Variants in TRIM62 observed in about 807,000 individuals in gnomAD.
The protein encoded by TRIM62 is E3 ubiquitin-protein ligase TRIM62.
In TRIM62, 39 loss-of-function variants were observed where a neutral mutation model predicts 44.2. The observed-to-expected ratio is 0.88, with a 90% CI of 0.68 to 1.15. The LOEUF is 1.15. Ranked by LOEUF, TRIM62 falls within the 50% of genes most tolerant of loss-of-function variation. The pLI, the probability that TRIM62 is intolerant of heterozygous loss-of-function variation, is 0.00. For synonymous variants in TRIM62, 278 were observed against 292.3 expected (o/e 0.95, Z 0.50); for missense variants, 544 against 665.5 (o/e 0.82, Z 2.01).
chr1:33,156,263 T>C (rs1004334976), intron 4 of TRIM62, among the ~76,000 whole-genome samples: 5 of 152,182 alleles, frequency 3.3e-5, no homozygotes, highest in African/African-American at 9.6e-5. Context: ...TGCCACACTC[T>C]CTCTCCTTCG....
At chr1:33,149,735 G>A (rs1645071022) in intron 4 of TRIM62, among the ~76,000 whole-genome samples, 1 of 152,234 alleles carries the variant, frequency 6.6e-6, no homozygotes, top group Admixed American at 6.5e-5. Flanking sequence ...GATTATAGGT[G>A]TGAGCCACTG....
intron 4 of TRIM62, among the ~76,000 whole-genome samples, chr1:33,152,372 C>T (rs1645111873): frequency 1.3e-5 from 2 of 152,142 alleles, no homozygotes; most frequent in Non-Finnish European, 2.9e-5. Flanking sequence ...TCGAGATCAG[C>T]CTGGCCAACA....
rs1645424689 is a variant in TRIM62 at position 33,177,008 on chromosome 1, T to C, written c.408+4017A>G. On this transcript the variant is annotated intron_variant, in intron 1 of 4. Transcript: ENST00000291416. This position sits in a 1 kb window ranked among gnomAD's most constrained non-coding sequence, Gnocchi z 4.1. ...TGGTCCAGGTACTCAGCAGTGGAGG[T>C]GGGGAGGAAGACACCAACACACATA... Among the ~76,000 whole-genome samples, 1 of 151,242 alleles carries C rather than the reference T, an allele frequency of 6.6e-6. No individual in the cohort carries two copies. Among genetic ancestry groups the C allele is most frequent in the Non-Finnish European group, 1.5e-5 (1 of 67,892 alleles).
chr1:33,166,315 C>G (rs916284364), intron 1 of TRIM62: 6 of 151,996 alleles, frequency 3.9e-5, no homozygotes, highest in African/African-American at 1.5e-4. Flanking sequence ...CTTGAATCAT[C>G]CTGAAACCAT....
chr1:33,169,408 A>T (rs1054220523), intron 1 of TRIM62, among the ~76,000 whole-genome samples: 2 of 152,072 alleles, frequency 1.3e-5, no homozygotes, highest in African/African-American at 4.8e-5. Flanking sequence ...TTCGGTTTTT[A>T]TCACTTCTTT....
chr1:33,146,905 G>C lies in TRIM62; in HGVS notation c.*272C>G. On this transcript the variant is annotated 3_prime_UTR_variant, in exon 5 of 5. Transcript: ENST00000291416. ...CCCTGAGAAGATGGGGATGAGGGTT[G>C]GGCAGGGGTTGCCCTGAGGAGAAGC... 1 of 487,678 alleles carries C rather than the reference G, an allele frequency of 2.1e-6. No homozygotes were observed. The highest frequency in any genetic ancestry group is 3.7e-6 in the Non-Finnish European group (1 of 270,200). The allele number at this position is 487,678 out of a possible 1,614,324, so 30.2% of individuals were successfully genotyped here.
Position 33,165,371 on chromosome 1 carries a change from G to T in TRIM62, c.504+100C>A. ...GGCTCCTTGAAGCCAGGTTTCCACC[G>T]CACACCCGAGGCCCCGCCCCTCTTC... is the stretch of plus-strand genomic sequence containing the variant. On this transcript the variant is annotated intron_variant, in intron 2 of 4. Coordinates refer to ENST00000291416, the MANE Select transcript of TRIM62 (RefSeq NM_018207.3). This position sits in a 1 kb window ranked among gnomAD's most constrained non-coding sequence, Gnocchi z 4.0. 1 of 1,127,920 alleles carries T rather than the reference G, an allele frequency of 8.9e-7. No homozygotes were observed. 69.9% of individuals were successfully genotyped at this position (1,127,920 alleles called of 1,614,324 possible). A position where few individuals can be genotyped will look rare whatever the true frequency, so the allele number is the denominator to read the frequency against.
At chr1:33,170,462 G>T (rs1250642515) in intron 1 of TRIM62, among the ~76,000 whole-genome samples, 1 of 152,060 alleles carries the variant, frequency 6.6e-6, no homozygotes, top group African/African-American at 2.4e-5. Context: ...GGAAAGGGGA[G>T]ATTTTCACAA....
In TRIM62 at chr1:33,181,267, T is replaced by TGC. The variant is rs1184102577; in HGVS notation, c.164_165dup (p.Thr56AlafsTer85). ...GGCGCCAGCGCGGGCTCGGCGAACG[T>TGC]GCGCCGGCACTCGGGGCAGTCGCGG... On this transcript the variant is annotated frameshift_variant, in exon 1 of 5. Transcript: ENST00000291416. LOFTEE classifies it high-confidence loss of function. The surrounding 1 kb of genome is among the most constrained non-coding windows in gnomAD (Gnocchi z 6.5). The TGC allele has an allele frequency of 4.5e-6, 7 of 1,547,880 alleles. No individual in the cohort carries two copies. The highest frequency in any genetic ancestry group is 6.1e-6 in the Non-Finnish European group (7 of 1,152,502).
chr1:33,172,448 C>T (rs1261569966), intron 1 of TRIM62, among the ~76,000 whole-genome samples: 1 of 151,898 alleles, frequency 6.6e-6, no homozygotes, highest in Non-Finnish European at 1.5e-5. Flanking sequence ...GAGTCACAAG[C>T]TGGAAAGGCC....
At chr1:33,175,049 A>ATATGTATATGTATATGTG (rs1248821970) in intron 1 of TRIM62, among the ~76,000 whole-genome samples, 1 of 150,820 alleles carries the variant, frequency 6.6e-6, no homozygotes, top group African/African-American at 2.4e-5. Context: ...ATGTATATGT[A>ATATGTATATGTATATGTG]TTTTTTTTAA....
chr1:33,151,740 C>T (rs1024818998), intron 4 of TRIM62, among the ~76,000 whole-genome samples: 3 of 152,232 alleles, frequency 2.0e-5, no homozygotes, highest in African/African-American at 7.2e-5. Flanking sequence ...ATTTAAGCAT[C>T]TCTGAGACCT....
At position 33,181,501 on chromosome 1, in the gene TRIM62, G is replaced by A. The variant is rs1414462531; in HGVS notation, c.-69C>T. 4 of 1,491,056 alleles carry A rather than the reference G, an allele frequency of 2.7e-6. No individual in the cohort carries two copies. Among genetic ancestry groups the A allele is most frequent in the Non-Finnish European group, 3.5e-6 (4 of 1,130,904 alleles). 92.4% of individuals were successfully genotyped at this position (1,491,056 alleles called of 1,614,324 possible). On this transcript the variant is annotated 5_prime_UTR_variant, in exon 1 of 5. Transcript: ENST00000291416. This position sits in a 1 kb window ranked among gnomAD's most constrained non-coding sequence, Gnocchi z 6.5. ...CGGCTGAGAGAGCGCGGCGCTGTCG[G>A]AGGCAGCACCGAGGGCTGGGCGCGG...
At position 33,167,072 on chromosome 1, in the gene TRIM62, A is replaced by T. The variant is rs987404349; in HGVS notation, c.409-1506T>A. 6.6e-6 allele frequency among the ~76,000 whole-genome samples: 1 copy of T among 152,066 alleles called. No homozygotes were observed. The highest frequency in any genetic ancestry group is 2.4e-5 in the African/African-American group (1 of 41,398). ...TTGAGCTCGTTCCAATCTTCAGACT[A>T]TGCCCTGGCTATTCCCTCTGGCTGG... is the stretch of plus-strand genomic sequence containing the variant. On this transcript the variant is annotated intron_variant, in intron 1 of 4. Coordinates refer to ENST00000291416, the MANE Select transcript of TRIM62 (RefSeq NM_018207.3). This position sits in a 1 kb window ranked among gnomAD's most constrained non-coding sequence, Gnocchi z 4.2.
chr1:33,147,080 T>G lies in TRIM62; in HGVS notation c.*97A>C, dbSNP rs1645029363. 1 of 1,392,576 alleles carries G rather than the reference T, an allele frequency of 7.2e-7. No homozygotes were observed. Among genetic ancestry groups the G allele is most frequent in the Non-Finnish European group, 9.9e-7 (1 of 1,014,922 alleles). The allele number at this position is 1,392,576 out of a possible 1,614,324, so 86.3% of individuals were successfully genotyped here. A position where few individuals can be genotyped will look rare whatever the true frequency, so the allele number is the denominator to read the frequency against. On this transcript the variant is annotated 3_prime_UTR_variant, in exon 5 of 5. Coordinates refer to ENST00000291416, the MANE Select transcript of TRIM62 (RefSeq NM_018207.3). The surrounding 1 kb of genome is among the most constrained non-coding windows in gnomAD (Gnocchi z 8.1). Reference sequence around the variant, plus strand: ...TAAACAACTGGCCTGAGGTCTCCAGTGGCCACGGTGGGCTGGAGTCCAGGT... The same window carrying G: ...TAAACAACTGGCCTGAGGTCTCCAGGGGCCACGGTGGGCTGGAGTCCAGGT...
chr1:33,150,410 T>C (rs1043348348), intron 4 of TRIM62, among the ~76,000 whole-genome samples: 2 of 152,256 alleles, frequency 1.3e-5, no homozygotes, highest in Non-Finnish European at 2.9e-5. Flanking sequence ...CCTCTGTTCA[T>C]ATACCCACTG....
chr1:33,167,139 C>T lies in TRIM62; in HGVS notation c.409-1573G>A, dbSNP rs1645336045. 6.6e-6 allele frequency among the ~76,000 whole-genome samples: 1 copy of T among 152,138 alleles called. No homozygotes were observed. Among genetic ancestry groups the T allele is most frequent in the East Asian group, 1.9e-4 (1 of 5,186 alleles). ...AGTTTCTCACGGTGACTCCTTTGTA[C>T]CATTAATTTAACTCAGATGCCACCT... On this transcript the variant is annotated intron_variant, in intron 1 of 4. Coordinates refer to ENST00000291416, the MANE Select transcript of TRIM62 (RefSeq NM_018207.3). The surrounding 1 kb of genome is among the most constrained non-coding windows in gnomAD (Gnocchi z 4.2).
chr1:33,147,264 G>T lies in TRIM62; in HGVS notation c.1341C>A (p.Gly447=), dbSNP rs759270033. The T allele has an allele frequency of 4.3e-6, 7 of 1,614,158 alleles. No homozygotes were observed. Among genetic ancestry groups the T allele is most frequent in the Non-Finnish European group, 5.9e-6 (7 of 1,180,044 alleles). The change falls in exon 5 of 5, where the codon GGC becomes GGA. Residue 447 remains glycine, a synonymous_variant. Transcript: ENST00000291416. This position sits in a 1 kb window ranked among gnomAD's most constrained non-coding sequence, Gnocchi z 8.1. Reference sequence around the variant, plus strand: ...CAGGGCTGAAGTAAGAGCAGAGCTTGCCAGGGAACTTCTCGCGGAAGGTGT... The same window carrying T: ...CAGGGCTGAAGTAAGAGCAGAGCTTTCCAGGGAACTTCTCGCGGAAGGTGT... ...WLYTFREKFP[G]KLCSYFSPGQ...
chr1:33,169,401 G>T (rs1052366681), intron 1 of TRIM62, among the ~76,000 whole-genome samples: 1 of 152,170 alleles, frequency 6.6e-6, no homozygotes, highest in African/African-American at 2.4e-5. Context: ...CCTCTGGTTC[G>T]GTTTTTATCA....
Sources: allele counts gnomAD v4.1 joint callset (sites outside exome capture counted in the v4.1 genomes callset), GRCh38; gene constraint gnomAD v4.1.1; non-coding constraint Gnocchi (gnomAD v3.1); transcripts MANE v1.5; gene names NCBI Gene and HGNC (gene_info 2026-07-23, HGNC 2026-07-21).